The following PLXNB1 variants were observed in gnomAD, a reference collection of about 807,000 sequenced individuals.
The protein encoded by PLXNB1 is plexin B1.
A neutral mutation model predicts 209.4 loss-of-function variants in PLXNB1; 106 were observed. The observed-to-expected ratio is 0.51, with a 90% CI of 0.43 to 0.59. PLXNB1 has a LOEUF of 0.59. PLXNB1 is among the 20% of genes least tolerant of loss of function. The pLI, the probability that PLXNB1 is intolerant of heterozygous loss-of-function variation, is 0.00. For missense variants in PLXNB1, 2,357 were observed against 2,853.2 expected, an observed-to-expected ratio of 0.83 and a Z score of 3.96; for synonymous variants, 1,167 against 1,183.2, an observed-to-expected ratio of 0.99 and a Z score of 0.28.
Position 48,416,192 on chromosome 3 carries a change from T to C in PLXNB1, c.3481-25A>G, listed in dbSNP as rs780102896. The C allele has an allele frequency of 3.1e-6, 5 of 1,595,528 alleles. No individual in the cohort carries two copies. The African/African-American group carries it at 5.4e-5, about 17-fold the overall frequency. ...CCTGTGGGACAGACAGGGAGAGAGA[T>C]GAGCATCAGACCAGACACATGGAGG... On this transcript the variant is annotated intron_variant, in intron 17 of 37. Coordinates refer to ENST00000296440, the MANE Select transcript of PLXNB1 (RefSeq NM_001130082.3). The surrounding 1 kb of genome is among the most constrained non-coding windows in gnomAD (Gnocchi z 4.1).
At chr3:48,422,276 C>T in intron 5 of PLXNB1, 55 bp downstream of exon 5, 5 of 1,609,740 alleles carry the variant, frequency 3.1e-6, no homozygotes, top group South Asian at 1.1e-5. Context: ...GGGTCCCTGG[C>T]CCCACCCAGA....
In PLXNB1 at chr3:48,422,417, G is replaced by A. The variant is rs1223481977; in HGVS notation, c.1333C>T (p.Gln445Ter). 2 of 1,602,004 alleles carry A rather than the reference G, an allele frequency of 1.2e-6. No homozygotes were observed. Among genetic ancestry groups the A allele is most frequent in the Admixed American group, 1.7e-5 (1 of 58,480 alleles). ...ACTGCAGACCCCTGCTGGATGCTCT[G>A]TGTGGAGTATGGGTGGCCATCGCTC... Reference protein sequence around the residue: ...PGSDGHPYSTQSIQQGSAVSR... With the variant: ...PGSDGHPYST Residue 445 changes from glutamine to a stop codon, truncating the protein, a stop_gained, in exon 5 of 38, where the codon CAG (glutamine) becomes TAG (stop). Transcript: ENST00000296440. LOFTEE classifies it high-confidence loss of function.
In PLXNB1 at chr3:48,413,153, C is replaced by T. The variant is rs1473905523; in HGVS notation, c.4552G>A (p.Ala1518Thr). Residue 1518 changes from alanine to threonine, a missense_variant, in exon 24 of 38, where the codon GCC becomes ACC. Around this residue, in one of 7 missense-constraint regions of PLXNB1, gnomAD observed 743 missense variants for 896.2 expected, o/e 0.83. Transcript: ENST00000296440. This position sits in a 1 kb window ranked among gnomAD's most constrained non-coding sequence, Gnocchi z 5.4. The stretch of plus-strand genomic sequence containing the variant: ...TGAACCTTCTTATAGTCCCTCAGGG[C>T]CTGCTTGCTCTTCCTCCTGCTCAGC... ...VLMYRRKSKQALRDYKKVQIQ... is the reference protein window; with the variant it reads ...VLMYRRKSKQTLRDYKKVQIQ... The T allele has an allele frequency of 1.2e-6, 2 of 1,612,516 alleles. No homozygotes were observed. Among genetic ancestry groups the T allele is most frequent in the Non-Finnish European group, 1.7e-6 (2 of 1,179,846 alleles).
chr3:48,419,741 G>T lies in PLXNB1; in HGVS notation c.2545C>A (p.Leu849Met). 3 of 1,610,364 alleles carry T rather than the reference G, an allele frequency of 1.9e-6. No homozygotes were observed. In the South Asian group the frequency reaches 3.3e-5, roughly 18 times the overall value. ...LDWLTREGGE[L>M]PEADEWTGGD... The stretch of plus-strand genomic sequence containing the variant: ...CCCGTCCACTCGTCCGCCTCGGGCA[G>T]CTCGCCGCCTTCTCTCGTGAGCCAG... Residue 849 changes from leucine (L) to methionine (M), a missense_variant, in exon 11 of 38, where the codon CTG becomes ATG. Leu to Met is a conservative substitution (Grantham distance 15). Around this residue, in one of 7 missense-constraint regions of PLXNB1, gnomAD observed 410 missense variants for 401.0 expected, o/e 1.02. Transcript: ENST00000296440. The surrounding 1 kb of genome is among the most constrained non-coding windows in gnomAD (Gnocchi z 5.7).
Position 48,419,116 on chromosome 3 carries a change from C to CTGG in PLXNB1, c.2833-78_2833-77insCCA, listed in dbSNP as rs2038312001. ...AGTCCTGCAGGTCACCCAACAGATC[C>CTGG]CCCAGCACAGCTTCTGGGTTGGAGT... On this transcript the variant is annotated intron_variant, in intron 12 of 37. Transcript: ENST00000296440. This position sits in a 1 kb window ranked among gnomAD's most constrained non-coding sequence, Gnocchi z 5.7. 6.3e-7 allele frequency: 1 copy of CTGG among 1,587,128 alleles called. No homozygotes were observed. Among genetic ancestry groups the CTGG allele is most frequent in the African/African-American group, 1.3e-5 (1 of 74,576 alleles).
At position 48,416,676 on chromosome 3, in the gene PLXNB1, C is replaced by T; in HGVS notation, c.3375-225G>A. The T allele has an allele frequency of 2.5e-6, 1 of 397,808 alleles. No individual in the cohort carries two copies. The highest frequency in any genetic ancestry group is 4.4e-6 in the Non-Finnish European group (1 of 225,242). 24.6% of individuals were successfully genotyped at this position (397,808 alleles called of 1,614,324 possible). A position where few individuals can be genotyped will look rare whatever the true frequency, so the allele number is the denominator to read the frequency against. Reference sequence around the variant, plus strand: ...GTGGCTTCAATCATTTAAGTTCAACCCCAGGGGCCCCCAATAAGGAAGAAT... The same window carrying T: ...GTGGCTTCAATCATTTAAGTTCAACTCCAGGGGCCCCCAATAAGGAAGAAT... On this transcript the variant is annotated intron_variant, in intron 16 of 37. Transcript: ENST00000296440. The surrounding 1 kb of genome is among the most constrained non-coding windows in gnomAD (Gnocchi z 4.1).
At position 48,422,450 on chromosome 3, in the gene PLXNB1, C is replaced by G. The variant is rs1485568093; in HGVS notation, c.1300G>C (p.Gly434Arg). Reference sequence around the variant, plus strand: ...TATGGGTGGCCATCGCTCCCTGGGCCCAAGTAGACCTGGGATCAGAGACCA... The same window carrying G: ...TATGGGTGGCCATCGCTCCCTGGGCGCAAGTAGACCTGGGATCAGAGACCA... The part of the protein sequence containing the change: ...SQGQLHRVYL[G>R]PGSDGHPYST... The change falls in exon 5 of 38, where the codon GGC (glycine) becomes CGC (arginine). Residue 434 changes from glycine (G) to arginine (R), a missense_variant. By Grantham distance (125) the Gly-to-Arg change is moderately radical. This residue lies in a region of PLXNB1 where 404 missense variants were observed against 443.6 expected (regional missense o/e 0.91). Transcript: ENST00000296440. The G allele has an allele frequency of 6.3e-7, 1 of 1,588,026 alleles. No individual in the cohort carries two copies.
chr3:48,428,458 C>A (rs2039007659), intron 1 of PLXNB1, among the ~76,000 whole-genome samples: 1 of 152,152 alleles, frequency 6.6e-6, no homozygotes, highest in Non-Finnish European at 1.5e-5. Context: ...CAAGACTGCC[C>A]AACTTCTGTC....
chr3:48,419,623 G>A lies in PLXNB1; in HGVS notation c.2663C>T (p.Pro888Leu), dbSNP rs1008569174. Residue 888 changes from proline to leucine, a missense_variant, in exon 11 of 38, where the codon CCG (proline) becomes CTG (leucine). By Grantham distance (98) the Pro-to-Leu change is moderately conservative. This residue lies in a region of PLXNB1 where 410 missense variants were observed against 401.0 expected (regional missense o/e 1.02). Coordinates refer to ENST00000296440, the MANE Select transcript of PLXNB1 (RefSeq NM_001130082.3). This position sits in a 1 kb window ranked among gnomAD's most constrained non-coding sequence, Gnocchi z 5.7. ...GTCATACTGGTAGTCGAGGCTGGAC[G>A]GGAGGATGAGGGGGGCGGGAGGGCC... is the stretch of plus-strand genomic sequence containing the variant. ...LEGPPAPLIL[P>L]SSLDYQYDTP... 8.7e-6 allele frequency: 14 copies of A among 1,612,456 alleles called. No homozygotes were observed. Among genetic ancestry groups the A allele is most frequent in the Middle Eastern group, 3.3e-4 (2 of 6,082 alleles).
At position 48,419,631 on chromosome 3, in the gene PLXNB1, G is replaced by T; in HGVS notation, c.2655C>A (p.Leu885=). 1 of 1,612,646 alleles carries T rather than the reference G, an allele frequency of 6.2e-7. No individual in the cohort carries two copies. Among genetic ancestry groups the T allele is most frequent in the Non-Finnish European group, 8.5e-7 (1 of 1,179,926 alleles). Residue 885 remains leucine, a synonymous_variant, in exon 11 of 38, where the codon CTC becomes CTA. Coordinates refer to ENST00000296440, the MANE Select transcript of PLXNB1 (RefSeq NM_001130082.3). The surrounding 1 kb of genome is among the most constrained non-coding windows in gnomAD (Gnocchi z 5.7). ...SAELEGPPAP[L]ILPSSLDYQY... ...GGTAGTCGAGGCTGGACGGGAGGAT[G>T]AGGGGGGCGGGAGGGCCCTCAAGCT...
chr3:48,414,997 G>A lies in PLXNB1; in HGVS notation c.4011C>T (p.Cys1337=), dbSNP rs1054647109. 25 of 1,613,518 alleles carry A rather than the reference G, an allele frequency of 1.5e-5. No homozygotes were observed. The highest frequency in any genetic ancestry group is 3.3e-5 in the Admixed American group (2 of 60,014). ...CHVNSSQLIT[C]RTPALPGLPE... is the part of the protein sequence containing the mutation. ...GCAGGCCTGGGAGGGCAGGTGTGCG[G>A]CACGTGATGAGCTGGGAGGAGTTGA... is the stretch of plus-strand genomic sequence containing the variant. The change falls in exon 21 of 38, where the codon TGC becomes TGT. Residue 1337 remains cysteine (C), a synonymous_variant. Transcript: ENST00000296440.
In PLXNB1 at chr3:48,423,706, G is replaced by A; in HGVS notation, c.906C>T (p.Pro302=). 6.2e-7 allele frequency: 1 copy of A among 1,613,770 alleles called. No homozygotes were observed. The highest frequency in any genetic ancestry group is 8.5e-7 in the Non-Finnish European group (1 of 1,179,906). ...CCGATGGGGGCCGGCCCACAGTGGGGGGTGCAGCCGAGGAGAAAGCTGCAA... is the reference window on the plus strand; with the variant it reads ...CCGATGGGGGCCGGCCCACAGTGGGAGGTGCAGCCGAGGAGAAAGCTGCAA... ...VLFAAFSSAA[P]PTVGRPPSAA... is the part of the protein sequence containing the mutation. Residue 302 remains proline, a synonymous_variant, in exon 3 of 38, where the codon CCC becomes CCT. Transcript: ENST00000296440.
intron 1 of PLXNB1, among the ~76,000 whole-genome samples, chr3:48,426,102 A>G (rs932942384): frequency 2.0e-5 from 3 of 152,192 alleles, no homozygotes; most frequent in Non-Finnish European, 4.4e-5. Flanking sequence ...TGTAGAAGCT[A>G]GGCCATCTCT....
At position 48,409,928 on chromosome 3, in the gene PLXNB1, G is replaced by C; in HGVS notation, c.5755C>G (p.Leu1919Val). 1 of 1,611,702 alleles carries C rather than the reference G, an allele frequency of 6.2e-7. No individual in the cohort carries two copies. Among genetic ancestry groups the C allele is most frequent in the Non-Finnish European group, 8.5e-7 (1 of 1,179,236 alleles). The change falls in exon 32 of 38, where the codon CTG becomes GTG. Residue 1919 changes from leucine (L) to valine (V), a missense_variant. This residue lies in a region of PLXNB1 where 414 missense variants were observed against 520.5 expected (regional missense o/e 0.80). Transcript: ENST00000296440. The surrounding 1 kb of genome is among the most constrained non-coding windows in gnomAD (Gnocchi z 5.8). ...ACCTTCATGGACAGCAGGCGGGTCA[G>C]GTAGATCTCAGGGATGGCCTTGGCG... is the stretch of plus-strand genomic sequence containing the variant. ...ERAKAIPEIY[L>V]TRLLSMKGTL...
In PLXNB1 at chr3:48,405,858, C is replaced by A; in HGVS notation, c.6229-60G>T. 7.3e-7 allele frequency: 1 copy of A among 1,377,618 alleles called. No individual in the cohort carries two copies. The highest frequency in any genetic ancestry group is 1.0e-6 in the Non-Finnish European group (1 of 972,576). The allele number at this position is 1,377,618 out of a possible 1,614,324, so 85.3% of individuals were successfully genotyped here. On this transcript the variant is annotated intron_variant, in intron 36 of 37. Transcript: ENST00000296440. The surrounding 1 kb of genome is among the most constrained non-coding windows in gnomAD (Gnocchi z 5.0). ...GAGGGGTGCAGAGAGCCACAGGAGGCAGCCCAGGACCCCAGGGAAGGGCTG... is the reference window on the plus strand; with the variant it reads ...GAGGGGTGCAGAGAGCCACAGGAGGAAGCCCAGGACCCCAGGGAAGGGCTG...
Position 48,407,051 on chromosome 3 carries a change from G to A in PLXNB1, c.6128C>T (p.Pro2043Leu). The A allele has an allele frequency of 6.2e-7, 1 of 1,614,080 alleles. No homozygotes were observed. The highest frequency in any genetic ancestry group is 8.5e-7 in the Non-Finnish European group (1 of 1,179,998). ...CCTTTCCACCATCCGCTTGTACCGG[G>A]GAATGTCCCGTGCATACAGAAGTTT... is the stretch of plus-strand genomic sequence containing the variant. Reference protein sequence around the residue: ...INKLLYARDIPRYKRMVERYY... With the variant: ...INKLLYARDILRYKRMVERYY... Residue 2043 changes from proline to leucine, a missense_variant, in exon 35 of 38, where the codon CCC becomes CTC. Pro to Leu is a moderately conservative substitution (Grantham distance 98, BLOSUM62 -3). This residue lies in a region of PLXNB1 where 414 missense variants were observed against 520.5 expected (regional missense o/e 0.80). Coordinates refer to ENST00000296440, the MANE Select transcript of PLXNB1 (RefSeq NM_001130082.3).
At position 48,424,328 on chromosome 3, in the gene PLXNB1, T is replaced by C. The variant is rs1325216487; in HGVS notation, c.284A>G (p.Asn95Ser). The C allele has an allele frequency of 3.2e-6, 5 of 1,557,444 alleles. No individual in the cohort carries two copies. Among genetic ancestry groups the C allele is most frequent in the Admixed American group, 1.9e-5 (1 of 51,552 alleles). The change falls in exon 3 of 38, where the codon AAC becomes AGC. Residue 95 changes from asparagine to serine, a missense_variant. Asn to Ser is a conservative substitution (Grantham distance 46). This residue lies in a region of PLXNB1 where 107 missense variants were observed against 167.2 expected (regional missense o/e 0.64). Transcript: ENST00000296440. Reference protein sequence around the residue: ...PDECPQAQPTNNPNQLLLVSP... With the variant: ...PDECPQAQPTSNPNQLLLVSP... ...CACCAGGAGCAGCTGATTCGGGTTG[T>C]TGGTAGGCTGGGCCTGGGGGCACTC...
In PLXNB1 at chr3:48,415,307, C is replaced by T. The variant is rs762697119; in HGVS notation, c.3835G>A (p.Val1279Met). 7 of 1,613,560 alleles carry T rather than the reference C, an allele frequency of 4.3e-6. No individual in the cohort carries two copies. Among genetic ancestry groups the T allele is most frequent in the South Asian group, 3.3e-5 (3 of 91,082 alleles). Residue 1279 changes from valine (V) to methionine (M), a missense_variant, in exon 20 of 38, where the codon GTG becomes ATG. Physicochemically the swap from Val to Met is conservative, Grantham distance 21. Around this residue, in one of 7 missense-constraint regions of PLXNB1, gnomAD observed 743 missense variants for 896.2 expected, o/e 0.83. Coordinates refer to ENST00000296440, the MANE Select transcript of PLXNB1 (RefSeq NM_001130082.3). This position sits in a 1 kb window ranked among gnomAD's most constrained non-coding sequence, Gnocchi z 5.0. ...ACCCGGATTCTTGGCGTCTGTACCACGTCCAGATTCTGGCCACGGACGCAT... is the reference window on the plus strand; with the variant it reads ...ACCCGGATTCTTGGCGTCTGTACCATGTCCAGATTCTGGCCACGGACGCAT... ...EICVRGQNLD[V>M]VQTPRIRVTV...
chr3:48,419,912 G>T lies in PLXNB1; in HGVS notation c.2374C>A (p.Leu792Met). 1 of 1,564,226 alleles carries T rather than the reference G, an allele frequency of 6.4e-7. No homozygotes were observed. Among genetic ancestry groups the T allele is most frequent in the Admixed American group, 1.8e-5 (1 of 56,334 alleles). ...ATPEDLLASP[L>M]SPSEVAAVPP... ...ACTGCTGCTACCTCTGAGGGTGACAGCGGGGAGGCCAAGAGGTCCTCAGGT... is the reference window on the plus strand; with the variant it reads ...ACTGCTGCTACCTCTGAGGGTGACATCGGGGAGGCCAAGAGGTCCTCAGGT... Residue 792 changes from leucine to methionine, a missense_variant, in exon 11 of 38, where the codon CTG becomes ATG. Transcript: ENST00000296440. The surrounding 1 kb of genome is among the most constrained non-coding windows in gnomAD (Gnocchi z 5.7).
Sources: allele counts gnomAD v4.1 joint callset (sites outside exome capture counted in the v4.1 genomes callset), GRCh38; gene constraint gnomAD v4.1.1; regional missense constraint gnomAD v4.1.1; non-coding constraint Gnocchi (gnomAD v3.1); transcripts MANE v1.5; gene names NCBI Gene and HGNC (gene_info 2026-07-23, HGNC 2026-07-21).